The following CFAP20 variants were observed in gnomAD, a reference collection of about 807,000 sequenced individuals.
CFAP20 encodes cilia and flagella associated protein 20, also known as cilia- and flagella-associated protein 20.
A neutral mutation model predicts 25.5 loss-of-function variants in CFAP20; 14 were observed. The ratio of observed to expected loss-of-function variants is 0.55; its 90% CI spans 0.36 to 0.86. The LOEUF (loss-of-function observed/expected upper bound fraction) is 0.86, where lower values mean the gene tolerates loss of function less well. Ranked by LOEUF, CFAP20 falls within the 40% of genes least tolerant of loss-of-function variation. The pLI, the probability that CFAP20 is intolerant of heterozygous loss-of-function variation, is 0.01. For missense variants in CFAP20, 181 were observed against 248.0 expected (o/e 0.73, Z 1.81); for synonymous variants, 75 against 91.1 (o/e 0.82, Z 1.01).
At chr16:58,125,432 T>C (rs1441988274) in intron 1 of CFAP20, among the ~76,000 whole-genome samples, 3 of 152,192 alleles carry the variant, frequency 2.0e-5, no homozygotes, top group African/African-American at 7.2e-5. Context: ...TGCTTGTAAT[T>C]CTAGCACTTT....
rs1415479946 is a variant in CFAP20 at position 58,115,320 on chromosome 16, G to A, written c.414C>T (p.Asp138=). The A allele has an allele frequency of 3.1e-6, 5 of 1,614,224 alleles. No individual in the cohort carries two copies. Among genetic ancestry groups the A allele is most frequent in the Non-Finnish European group, 4.2e-6 (5 of 1,180,044 alleles). ...GWNQIQFNLL[D]FTRRAYGTNY... ...TGGTGCCGTATGCTCGCCGTGTGAA[G>A]TCTAGCAAGTTGAACTGAATCTGGT... Residue 138 remains aspartate, a synonymous_variant, in exon 4 of 6, where the codon GAC becomes GAT. Transcript: ENST00000262498.
Position 58,116,928 on chromosome 16 carries a change from T to C in CFAP20, c.108A>G (p.Arg36=). ...GGGACTGGATGTCATTATCAGTGATTCTTTTGATGTGGCCATTCCGTACCT... is the reference window on the plus strand; with the variant it reads ...GGGACTGGATGTCATTATCAGTGATCCTTTTGATGTGGCCATTCCGTACCT... ...DKKVRNGHIK[R]ITDNDIQSLV... is the part of the protein sequence containing the mutation. The change falls in exon 2 of 6, where the codon AGA becomes AGG. Residue 36 remains arginine (R), a synonymous_variant. Coordinates refer to ENST00000262498, the MANE Select transcript of CFAP20 (RefSeq NM_013242.3). The C allele has an allele frequency of 1.2e-6, 2 of 1,614,204 alleles. No individual in the cohort carries two copies. Among genetic ancestry groups the C allele is most frequent in the South Asian group, 2.2e-5 (2 of 91,086 alleles).
In CFAP20 at chr16:58,115,433, G is replaced by A. The variant is rs1323638210; in HGVS notation, c.301C>T (p.Arg101Cys). ...TGGTAGTTACTTGCCCGAAAGCGACGACGCACATTCTTGTCATCTAGTACC... is the reference window on the plus strand; with the variant it reads ...TGGTAGTTACTTGCCCGAAAGCGACAACGCACATTCTTGTCATCTAGTACC... ...VQVLDDKNVRRRFRASNYQST... is the reference protein window; with the variant it reads ...VQVLDDKNVRCRFRASNYQST... The change falls in exon 4 of 6, where the codon CGT (arginine) becomes TGT (cysteine). Residue 101 changes from arginine (R) to cysteine (C), a missense_variant. By Grantham distance (180) the Arg-to-Cys change is radical. Transcript: ENST00000262498. 16 of 1,614,218 alleles carry A rather than the reference G, an allele frequency of 9.9e-6. No homozygotes were observed. Among genetic ancestry groups the A allele is most frequent in the Non-Finnish European group, 1.3e-5 (15 of 1,180,044 alleles).
intron 1 of CFAP20, among the ~76,000 whole-genome samples, chr16:58,117,413 ATTTC>A (rs891882750): frequency 8.5e-5 from 13 of 152,074 alleles, no homozygotes; most frequent in African/African-American, 2.9e-4. Context: ...TGCCTCGTAG[ATTTC>A]TTTCTTTCTC....
Position 58,129,142 on chromosome 16 carries a change from C to T in CFAP20, c.-27G>A, listed in dbSNP as rs1254514372. 3.1e-6 allele frequency: 5 copies of T among 1,611,498 alleles called. No individual in the cohort carries two copies. The highest frequency in any genetic ancestry group is 3.3e-5 in the Admixed American group (2 of 59,884). ...TCGCCGGCGGCCTTCTCCTAAGCCG[C>T]CCCCGGAGCCGACCTAGGCCCCGGA... is the stretch of plus-strand genomic sequence containing the variant. On this transcript the variant is annotated 5_prime_UTR_variant, in exon 1 of 6. Coordinates refer to ENST00000262498, the MANE Select transcript of CFAP20 (RefSeq NM_013242.3).
intron 1 of CFAP20, among the ~76,000 whole-genome samples, chr16:58,127,508 C>A (rs1040974931): frequency 2.6e-5 from 4 of 152,252 alleles, no homozygotes; most frequent in African/African-American, 9.6e-5. Context: ...CAAGTGACAG[C>A]TGGGAAGCCA....
intron 1 of CFAP20, among the ~76,000 whole-genome samples, chr16:58,123,071 C>T (rs923092711): frequency 1.6e-4 from 24 of 151,892 alleles, no homozygotes; most frequent in African/African-American, 5.1e-4. Context: ...CTCGGCTCAC[C>T]GCAACCTCCA....
chr16:58,122,371 A>T (rs1477671336), intron 1 of CFAP20, among the ~76,000 whole-genome samples: 1 of 152,222 alleles, frequency 6.6e-6, no homozygotes, highest in African/African-American at 2.4e-5. Context: ...ACCTGAGATC[A>T]GGAGTTTGAG....
chr16:58,123,978 A>G (rs556193379), intron 1 of CFAP20, among the ~76,000 whole-genome samples: 1 of 152,298 alleles, frequency 6.6e-6, no homozygotes, highest in Non-Finnish European at 1.5e-5. Flanking sequence ...GAGCCTAATG[A>G]AAAGATGGGA....
intron 1 of CFAP20, among the ~76,000 whole-genome samples, chr16:58,117,505 C>G (rs748369117): frequency 6.6e-6 from 1 of 152,100 alleles, no homozygotes; most frequent in Non-Finnish European, 1.5e-5. Context: ...CTTGGCTCAC[C>G]GCAACCTCTG....
rs1017095089 is a variant in CFAP20, at chr16:58,129,223, G to A, written c.-108C>T. ...AGCAGCAGGCCGGCCCTGTTCCGAA[G>A]AAGGGTGGTTGAGCTCCTGGCCTCC... On this transcript the variant is annotated 5_prime_UTR_variant, in exon 1 of 6. Transcript: ENST00000262498. The A allele has an allele frequency of 5.7e-6, 7 of 1,229,792 alleles. No homozygotes were observed. Among genetic ancestry groups the A allele is most frequent in the African/African-American group, 1.5e-5 (1 of 66,318 alleles). The allele number at this position is 1,229,792 out of a possible 1,614,324, so 76.2% of individuals were successfully genotyped here.
At chr16:58,127,073 C>A (rs1349503825) in intron 1 of CFAP20, among the ~76,000 whole-genome samples, 1 of 152,160 alleles carries the variant, frequency 6.6e-6, no homozygotes, top group Non-Finnish European at 1.5e-5. Context: ...AGTAACCATG[C>A]CAATCGATTT....
At chr16:58,115,626 G>A in intron 3 of CFAP20, 169 bp from the exon 4 acceptor site, 1 of 725,784 alleles carries the variant, frequency 1.4e-6, no homozygotes, top group Non-Finnish European at 2.2e-6. Flanking sequence ...TGGCCCGGAA[G>A]TAGCAAGTTT....
At chr16:58,115,116 A>G (rs1405607722) in intron 4 of CFAP20, 153 bp downstream of exon 4, 1 of 1,175,068 alleles carries the variant, frequency 8.5e-7, no homozygotes, top group African/African-American at 1.5e-5. Flanking sequence ...ACTTCTGAAT[A>G]TTTCCTGGAC....
At chr16:58,115,621 C>T in intron 3 of CFAP20, 164 bp from the exon 4 acceptor site, 4 of 751,546 alleles carry the variant, frequency 5.3e-6, no homozygotes, top group Non-Finnish European at 8.5e-6. Flanking sequence ...GCAGATGGCC[C>T]GGAAGTAGCA....
intron 3 of CFAP20, chr16:58,115,712 A>G: frequency 3.6e-6 from 2 of 561,508 alleles, no homozygotes; most frequent in Non-Finnish European, 6.3e-6. Flanking sequence ...ACCATAGAGT[A>G]TATAAATGTT....
rs1205696668 is a variant in CFAP20, at chr16:58,129,026, C to T, written c.84+6G>A. 2 of 1,613,098 alleles carry T rather than the reference C, an allele frequency of 1.2e-6. No homozygotes were observed. Among genetic ancestry groups the T allele is most frequent in the Non-Finnish European group, 1.7e-6 (2 of 1,179,806 alleles). On this transcript the variant is annotated splice_donor_region_variant and intron_variant, in intron 1 of 5. Coordinates refer to ENST00000262498, the MANE Select transcript of CFAP20 (RefSeq NM_013242.3). ...CACCCCGCCCCGTCGCCGCCCCTAG[C>T]CCGACCTTTTTGTCCCAGATTTGCA...
intron 1 of CFAP20, among the ~76,000 whole-genome samples, chr16:58,127,900 CAT>C (rs898897515): frequency 1.3e-5 from 2 of 152,160 alleles, no homozygotes; most frequent in African/African-American, 4.8e-5. Context: ...AAAGAGCTCT[CAT>C]GTGTGGATAA....
intron 1 of CFAP20, among the ~76,000 whole-genome samples, chr16:58,118,627 C>T (rs896770535): frequency 7.2e-5 from 11 of 151,844 alleles, no homozygotes; most frequent in African/African-American, 2.4e-4. Flanking sequence ...CTCAGGAGTT[C>T]AAGACCAGTC....
Sources: gnomAD v4.1 joint callset for allele counts (sites outside exome capture counted in the v4.1 genomes callset) on GRCh38, gnomAD v4.1.1 for gene constraint, MANE v1.5 for transcripts, NCBI Gene and HGNC (gene_info 2026-07-23, HGNC 2026-07-21) for gene names.